The following DCX variants were observed in gnomAD, a reference collection of about 807,000 sequenced individuals.
DCX encodes the protein doublecortin.
DCX carries 4 observed loss-of-function variants against 20.9 expected under a neutral mutation model. That is an observed-to-expected ratio of 0.19 (90% CI 0.09 to 0.44). The LOEUF (loss-of-function observed/expected upper bound fraction) is 0.44. Ranked by LOEUF, DCX falls within the 20% of genes least tolerant of loss-of-function variation. The probability of loss-of-function intolerance (pLI) is 0.99; values close to 1 mark genes in which losing one functional copy is unlikely to be tolerated. For synonymous variants in DCX, 103 were observed against 111.4 expected, an observed-to-expected ratio of 0.92 and a Z score of 0.47; for missense variants, 133 against 296.9, an observed-to-expected ratio of 0.45 and a Z score of 4.06.
At chrX:111,308,920 A>G (rs2095051512) in intron 6 of DCX, among the ~76,000 whole-genome samples, 1 of 109,317 alleles carries the variant, frequency 9.1e-6, no homozygotes, top group South Asian at 4.0e-4. Flanking sequence ...GGGATCCTTA[A>G]TAAATTTTTG....
At chrX:111,339,496 G>T (rs1222708400) in intron 3 of DCX, among the ~76,000 whole-genome samples, 1 of 111,615 alleles carries the variant, frequency 9.0e-6, no homozygotes, top group Non-Finnish European at 1.9e-5. Context: ...CAGCAAGAAG[G>T]CCCTCACCAG....
chrX:111,295,446 G>T lies in DCX; in HGVS notation c.*6241C>A, dbSNP rs1358826530. Reference sequence around the variant, plus strand: ...TTATCTTTTCATTTAAATCAACTCCGATTGCCTACCAGTTTAGTTAAAACA... The same window carrying T: ...TTATCTTTTCATTTAAATCAACTCCTATTGCCTACCAGTTTAGTTAAAACA... On this transcript the variant is annotated 3_prime_UTR_variant, in exon 7 of 7. Coordinates refer to ENST00000636035, the MANE Select transcript of DCX (RefSeq NM_001195553.2). 8.9e-6 allele frequency: 1 copy of T among 111,811 alleles called. No individual in the cohort carries two copies. Among genetic ancestry groups the T allele is most frequent in the Non-Finnish European group, 1.9e-5 (1 of 53,119 alleles). The allele number at this position is 111,811 out of a possible 1,213,427, so 9.2% of individuals were successfully genotyped here.
intron 3 of DCX, among the ~76,000 whole-genome samples, chrX:111,346,864 G>A (rs767183427): frequency 9.0e-6 from 1 of 111,619 alleles, no homozygotes; most frequent in African/African-American, 3.2e-5. Flanking sequence ...ATGTAAAAAT[G>A]ATTATTAAAA....
chrX:111,396,405 C>G lies in DCX; in HGVS notation c.705+4585G>C, dbSNP rs147153035. Among the ~76,000 whole-genome samples the G allele has an allele frequency of 2.5e-3, 280 of 112,160 alleles. 1 individual carries two copies. Among genetic ancestry groups the G allele is most frequent in the Middle Eastern group, 9.2e-3 (2 of 218 alleles). ...CATGTATATTGAGGCAATAATGAAT[C>G]TTCACTTGCACAGATTCTGGGTGTG... On this transcript the variant is annotated intron_variant, in intron 3 of 6. Transcript: ENST00000636035.
intron 3 of DCX, among the ~76,000 whole-genome samples, chrX:111,381,359 A>G (rs1298153117): frequency 1.8e-5 from 2 of 110,392 alleles, no homozygotes; most frequent in Non-Finnish European, 3.8e-5. Flanking sequence ...GTACTAGTGT[A>G]GTATAGTCCA....
At chrX:111,336,036 TA>T (rs767265520) in intron 3 of DCX, among the ~76,000 whole-genome samples, 5 of 111,018 alleles carry the variant, frequency 4.5e-5, no homozygotes, top group Non-Finnish European at 9.5e-5. Flanking sequence ...CTAATAGCTG[TA>T]AAAAAAAATT....
chrX:111,379,060 G>C (rs1380909336), intron 3 of DCX, among the ~76,000 whole-genome samples: 2 of 111,728 alleles, frequency 1.8e-5, no homozygotes, highest in African/African-American at 3.2e-5. Flanking sequence ...CAAAATAAAC[G>C]TCTGCTTTTT....
chrX:111,401,085 C>T lies in DCX; in HGVS notation c.610G>A (p.Ala204Thr). 1 of 1,211,718 alleles carries T rather than the reference C, an allele frequency of 8.3e-7. No homozygotes were observed. The highest frequency in any genetic ancestry group is 1.1e-6 in the Non-Finnish European group (1 of 895,491). Reference protein sequence around the residue: ...AVRVLLNKKTAHSFEQVLTDI... With the variant: ...AVRVLLNKKTTHSFEQVLTDI... Reference sequence around the variant, plus strand: ...GTGAGGACTTGCTCAAAAGAGTGGGCTGTCTTCTTGTTCAGAAGCACACGC... The same window carrying T: ...GTGAGGACTTGCTCAAAAGAGTGGGTTGTCTTCTTGTTCAGAAGCACACGC... The change falls in exon 3 of 7, where the codon GCC becomes ACC. Residue 204 changes from alanine to threonine, a missense_variant. Coordinates refer to ENST00000636035, the MANE Select transcript of DCX (RefSeq NM_001195553.2).
intron 3 of DCX, among the ~76,000 whole-genome samples, chrX:111,367,878 G>A (rs1924752455): frequency 9.0e-6 from 1 of 111,654 alleles, no homozygotes; most frequent in Non-Finnish European, 1.9e-5. Flanking sequence ...TCTTGCCCCA[G>A]TGGTGGGCCC....
chrX:111,346,434 A>T (rs1229494623), intron 3 of DCX, among the ~76,000 whole-genome samples: 1 of 112,654 alleles, frequency 8.9e-6, no homozygotes, highest in Non-Finnish European at 1.9e-5. Context: ...CATTATGTTA[A>T]GTGAAATAAC....
In DCX at chrX:111,373,111, G is replaced by A. The variant is rs1313375690; in HGVS notation, c.705+27879C>T. 6.3e-5 allele frequency among the ~76,000 whole-genome samples: 7 copies of A among 111,261 alleles called. No homozygotes were observed. The East Asian group carries it at 2.0e-3, about 32-fold the overall frequency. Reference sequence around the variant, plus strand: ...AAATGAAATGAAGTTTTCTGTTAGGGAAGTCAATGTTCCATTATTGCAAAA... The same window carrying A: ...AAATGAAATGAAGTTTTCTGTTAGGAAAGTCAATGTTCCATTATTGCAAAA... On this transcript the variant is annotated intron_variant, in intron 3 of 6. Coordinates refer to ENST00000636035, the MANE Select transcript of DCX (RefSeq NM_001195553.2).
chrX:111,392,268 C>A (rs768325655), intron 3 of DCX, among the ~76,000 whole-genome samples: 1 of 110,866 alleles, frequency 9.0e-6, no homozygotes, highest in African/African-American at 3.3e-5. Context: ...CATCAAGAAA[C>A]CTCAACACCC....
At chrX:111,375,686 G>T (rs890862417) in intron 3 of DCX, among the ~76,000 whole-genome samples, 2 of 111,827 alleles carry the variant, frequency 1.8e-5, no homozygotes, top group African/African-American at 6.5e-5. Flanking sequence ...AATAAAATCA[G>T]TTACCCAAGC....
intron 3 of DCX, among the ~76,000 whole-genome samples, chrX:111,350,255 C>T (rs1027844110): frequency 9.0e-6 from 1 of 111,535 alleles, no homozygotes; most frequent in Non-Finnish European, 1.9e-5. Flanking sequence ...GAAAGGAGAT[C>T]TGGAGGGGAA....
In DCX at chrX:111,297,316, T is replaced by C. The variant is rs2095023631; in HGVS notation, c.*4371A>G. Reference sequence around the variant, plus strand: ...TGATCTTTGGGATCATTCCCATCAGTGTCCTGGAGCTCATTTTGGGGATAT... The same window carrying C: ...TGATCTTTGGGATCATTCCCATCAGCGTCCTGGAGCTCATTTTGGGGATAT... On this transcript the variant is annotated 3_prime_UTR_variant, in exon 7 of 7. Transcript: ENST00000636035. 8.9e-6 allele frequency: 1 copy of C among 112,122 alleles called. No individual in the cohort carries two copies. The highest frequency in any genetic ancestry group is 3.3e-5 in the African/African-American group (1 of 30,740). 9.2% of individuals were successfully genotyped at this position (112,122 alleles called of 1,213,427 possible). A position where few individuals can be genotyped will look rare whatever the true frequency, so the allele number is the denominator to read the frequency against.
rs1042495871 is a variant in DCX, at chrX:111,298,381, C to A, written c.*3306G>T. ...ATCTGCAACCCATGTGGATGGGAAC[C>A]AGGTGAATGCAGGGAAAAGGGGCTG... On this transcript the variant is annotated 3_prime_UTR_variant, in exon 7 of 7. Transcript: ENST00000636035. The A allele has an allele frequency of 8.9e-6, 1 of 111,892 alleles. No individual in the cohort carries two copies. Among genetic ancestry groups the A allele is most frequent in the Non-Finnish European group, 1.9e-5 (1 of 53,175 alleles). 9.2% of individuals were successfully genotyped at this position (111,892 alleles called of 1,213,427 possible). A position where few individuals can be genotyped will look rare whatever the true frequency, so the allele number is the denominator to read the frequency against.
At chrX:111,386,213 T>C (rs770550773) in intron 3 of DCX, among the ~76,000 whole-genome samples, 1 of 111,053 alleles carries the variant, frequency 9.0e-6, no homozygotes, top group South Asian at 3.9e-4. Flanking sequence ...AGGAGAATGA[T>C]TGCTGTCTGA....
chrX:111,399,591 A>G lies in DCX; in HGVS notation c.705+1399T>C, dbSNP rs1037847717. On this transcript the variant is annotated intron_variant, in intron 3 of 6. Transcript: ENST00000636035. ...AGGATATCCATGCCTTAGGTGGAAG[A>G]TTAAATGTCATGGCTTCTAAAGTCA... Among the ~76,000 whole-genome samples the G allele has an allele frequency of 3.6e-5, 4 of 112,082 alleles. No individual in the cohort carries two copies. The Admixed American group carries it at 3.8e-4, about 11-fold the overall frequency.
chrX:111,301,667 T>C lies in DCX; in HGVS notation c.*20A>G, dbSNP rs2095034301. 1.7e-6 allele frequency: 2 copies of C among 1,207,381 alleles called. No homozygotes were observed. The highest frequency in any genetic ancestry group is 4.4e-5 in the Admixed American group (2 of 45,742). ...ATAGGCTTGGATTTGTACTCTGGAC[T>C]CTGAGCACTCTCCCCTCCTTTACAT... is the stretch of plus-strand genomic sequence containing the variant. On this transcript the variant is annotated 3_prime_UTR_variant, in exon 7 of 7. Transcript: ENST00000636035.
Sources: gnomAD v4.1 joint callset for allele counts (sites outside exome capture counted in the v4.1 genomes callset) on GRCh38, gnomAD v4.1.1 for gene constraint, MANE v1.5 for transcripts, NCBI Gene and HGNC (gene_info 2026-07-23, HGNC 2026-07-21) for gene names.